The following PFKM variants were observed in gnomAD, a reference collection of about 807,000 sequenced individuals.
PFKM encodes phosphofructokinase, muscle.
In PFKM, 58 loss-of-function variants were observed where a neutral mutation model predicts 95.5. That is an observed-to-expected ratio of 0.61 (90% CI 0.49 to 0.76). PFKM has a LOEUF of 0.76. PFKM is among the 30% of genes least tolerant of loss of function. The pLI is 0.00. For synonymous variants in PFKM, 336 were observed against 357.2 expected, an observed-to-expected ratio of 0.94 and a Z score of 0.67; for missense variants, 678 against 1,005.4, an observed-to-expected ratio of 0.67 and a Z score of 4.40.
Position 48,132,351 on chromosome 12 carries a change from A to G in PFKM, c.238-517A>G, listed in dbSNP as rs11830546. 4.9e-3 allele frequency: 1,452 copies of G among 296,898 alleles called. 15 individuals carry two copies. Among genetic ancestry groups the G allele is most frequent in the African/African-American group, 0.028 (1,278 of 45,674 alleles). The allele number at this position is 296,898 out of a possible 1,614,324, so 18.4% of individuals were successfully genotyped here. Reference sequence around the variant, plus strand: ...CCTGGATATTGCAGCTTCTGCTGCTAGCACCATGGATTGCAAGGAGCTAAG... The same window carrying G: ...CCTGGATATTGCAGCTTCTGCTGCTGGCACCATGGATTGCAAGGAGCTAAG... On this transcript the variant is annotated intron_variant, in intron 4 of 22. Transcript: ENST00000359794.
intron 2 of PFKM, chr12:48,108,013 A>G: frequency 6.4e-7 from 1 of 1,566,472 alleles, no homozygotes. Context: ...AAAGGGAGTA[A>G]GGAACACTCC....
Position 48,139,931 on chromosome 12 carries a change from G to T in PFKM, c.1191+19G>T. The T allele has an allele frequency of 6.4e-7, 1 of 1,561,894 alleles. No individual in the cohort carries two copies. Among genetic ancestry groups the T allele is most frequent in the South Asian group, 1.1e-5 (1 of 89,824 alleles). On this transcript the variant is annotated intron_variant, in intron 13 of 22. Coordinates refer to ENST00000359794, the MANE Select transcript of PFKM (RefSeq NM_000289.6). The stretch of plus-strand genomic sequence containing the variant: ...ATCTAAGGTACTGGCAAGTTGACTT[G>T]CCCTCTCCCCTTTTCCTTCTCCCTC...
intron 3 of PFKM, among the ~76,000 whole-genome samples, chr12:48,110,631 A>C (rs188801517): frequency 6.6e-6 from 1 of 152,226 alleles, no homozygotes; most frequent in African/African-American, 2.4e-5. Flanking sequence ...CAGCCCAAGA[A>C]ATTCACAGGG....
chr12:48,134,356 C>T (rs1363403393), intron 7 of PFKM, 80 bp downstream of exon 7: 28 of 1,193,860 alleles, frequency 2.3e-5, no homozygotes, highest in Non-Finnish European at 3.5e-5. Flanking sequence ...CCAGTGAGGT[C>T]TCTCAGTAGC....
intron 1 of PFKM, 107 bp downstream of exon 1, chr12:48,119,513 A>G: frequency 1.7e-6 from 1 of 603,514 alleles, no homozygotes; most frequent in Non-Finnish European, 2.1e-6. Flanking sequence ...CAGAAAGGAA[A>G]AGAAGAGATA....
At position 48,139,261 on chromosome 12, in the gene PFKM, A is replaced by G. The variant is rs748525027; in HGVS notation, c.1063-24A>G. On this transcript the variant is annotated intron_variant, in intron 11 of 22. Coordinates refer to ENST00000359794, the MANE Select transcript of PFKM (RefSeq NM_000289.6). The stretch of plus-strand genomic sequence containing the variant: ...GCAGAATCCTGACCCTGGAGTTGAA[A>G]CTGTCGCTGTGCTCCCCCCTCAGAC... 2.5e-6 allele frequency: 4 copies of G among 1,602,036 alleles called. No homozygotes were observed. In the South Asian group the frequency reaches 4.4e-5, roughly 18 times the overall value.
chr12:48,138,123 A>C (rs774667776), intron 11 of PFKM, among the ~76,000 whole-genome samples: 3 of 151,992 alleles, frequency 2.0e-5, no homozygotes, highest in Non-Finnish European at 4.4e-5. Flanking sequence ...ACAACCTCAA[A>C]CCTTTTTATC....
chr12:48,132,980 G>C lies in PFKM; in HGVS notation c.350G>C (p.Gly117Ala), dbSNP rs755676714. ...GGGATCACCAATCTCTGTGTCATTG[G>C]GGGTGATGGCAGCCTCACTGGGGCT... ...KRGITNLCVI[G>A]GDGSLTGADT... The change falls in exon 5 of 23, where the codon GGG becomes GCG. Residue 117 changes from glycine (G) to alanine (A), a missense_variant. Transcript: ENST00000359794. The C allele has an allele frequency of 6.2e-7, 1 of 1,614,128 alleles. No homozygotes were observed. The highest frequency in any genetic ancestry group is 1.7e-5 in the Admixed American group (1 of 60,026).
Position 48,139,805 on chromosome 12 carries a change from G to C in PFKM, c.1128-44G>C, listed in dbSNP as rs771269480. 2.5e-5 allele frequency: 33 copies of C among 1,298,826 alleles called. No individual in the cohort carries two copies. The East Asian group carries it at 7.4e-4, about 29-fold the overall frequency. 80.5% of individuals were successfully genotyped at this position (1,298,826 alleles called of 1,614,324 possible). On this transcript the variant is annotated intron_variant, in intron 12 of 22. Coordinates refer to ENST00000359794, the MANE Select transcript of PFKM (RefSeq NM_000289.6). The stretch of plus-strand genomic sequence containing the variant: ...AGGATCTCCATGGCTGCTGGCTGTG[G>C]GGAATGGCCTGAAGACACCTCTCTC...
chr12:48,114,476 A>G (rs1947494247), upstream of PFKM, among the ~76,000 whole-genome samples: 1 of 152,112 alleles, frequency 6.6e-6, no homozygotes, highest in South Asian at 2.1e-4. Context: ...GGGAGGTAAT[A>G]GAAGGGTTAT....
chr12:48,121,065 C>T (rs545540977), intron 1 of PFKM, among the ~76,000 whole-genome samples: 222 of 152,292 alleles, frequency 1.5e-3, no homozygotes, highest in Middle Eastern at 0.014. Context: ...GCAGGAGAAT[C>T]ACTTGAACCT....
At chr12:48,129,075 A>G (rs1280351589) in intron 2 of PFKM, among the ~76,000 whole-genome samples, 3 of 152,210 alleles carry the variant, frequency 2.0e-5, no homozygotes, top group South Asian at 4.2e-4. Context: ...TGGCTTTTTC[A>G]CAGTGCTCCT....
chr12:48,129,485 A>G (rs1047776460), intron 2 of PFKM, among the ~76,000 whole-genome samples: 2 of 152,060 alleles, frequency 1.3e-5, no homozygotes, highest in African/African-American at 4.8e-5. Context: ...TTGTTGACTA[A>G]TTGAGGAAAT....
In PFKM at chr12:48,124,962, G is replaced by A. The variant is rs921395373; in HGVS notation, c.85+2103G>A. ...TTTGTTTTGTTTTTTTTCCCTTAGG[G>A]CTTGTGGGCCACATGGGAAAGTGAG... On this transcript the variant is annotated intron_variant, in intron 2 of 22. Transcript: ENST00000359794. 3.3e-5 allele frequency among the ~76,000 whole-genome samples: 5 copies of A among 152,234 alleles called. No individual in the cohort carries two copies. The East Asian group carries it at 9.6e-4, about 29-fold the overall frequency.
intron 2 of PFKM, among the ~76,000 whole-genome samples, chr12:48,129,847 A>G (rs1005383476): frequency 6.6e-6 from 1 of 152,248 alleles, no homozygotes; most frequent in African/African-American, 2.4e-5. Context: ...AGGACAAGCC[A>G]TAGAGGCTAA....
intron 11 of PFKM, among the ~76,000 whole-genome samples, chr12:48,138,917 A>G (rs938235874): frequency 6.6e-6 from 1 of 152,160 alleles, no homozygotes. Flanking sequence ...GCACACGCCT[A>G]TAATCCCAGC....
At chr12:48,133,507 G>A in intron 6 of PFKM, 27 bp downstream of exon 6, 1 of 1,603,856 alleles carries the variant, frequency 6.2e-7, no homozygotes. Context: ...GGTAGGCAGT[G>A]TAAGAAGATG....
chr12:48,131,174 T>C, intron 3 of PFKM, 142 bp from the exon 4 acceptor site: 2 of 709,450 alleles, frequency 2.8e-6, no homozygotes, highest in Non-Finnish European at 5.2e-6. Context: ...GTGTTAAATA[T>C]GATAGTCTCA....
chr12:48,141,082 T>G (rs918327334), intron 14 of PFKM, among the ~76,000 whole-genome samples: 6 of 152,224 alleles, frequency 3.9e-5, no homozygotes, highest in African/African-American at 1.2e-4. Context: ...TATTTAATTC[T>G]CTGTCCCAAA....
Sources: allele counts gnomAD v4.1 joint callset (sites outside exome capture counted in the v4.1 genomes callset), GRCh38; gene constraint gnomAD v4.1.1; transcripts MANE v1.5; gene names NCBI Gene and HGNC (gene_info 2026-07-23, HGNC 2026-07-21).